DAZL: variants seen among roughly 807,000 people sequenced by gnomAD.
DAZL encodes deleted in azoospermia-like.
In DAZL, 4 loss-of-function variants were observed where a neutral mutation model predicts 45.0. The ratio of observed to expected loss-of-function variants is 0.09; its 90% confidence interval spans 0.04 to 0.20. DAZL has a LOEUF of 0.20. Among genes scored for constraint, DAZL ranks in the 10% least tolerant of loss-of-function variants. DAZL has a pLI of 1.00. For missense variants in DAZL, 326 were observed against 351.3 expected (o/e 0.93, Z 0.58); for synonymous variants, 122 against 112.4 (o/e 1.09, Z -0.54).
intron 10 of DAZL, 125 bp from the exon 11 acceptor site, chr3:16,588,838 A>C (rs1341406262): frequency 1.4e-5 from 11 of 758,654 alleles, no homozygotes; most frequent in Non-Finnish European, 2.3e-5. Context: ...ATGAGAAAAA[A>C]GATTATTCTT....
chr3:16,588,601 C>G lies in DAZL; in HGVS notation c.*59G>C. 7.5e-7 allele frequency: 1 copy of G among 1,336,450 alleles called. No individual in the cohort carries two copies. Among genetic ancestry groups the G allele is most frequent in the Middle Eastern group, 1.8e-4 (1 of 5,514 alleles). The allele number at this position is 1,336,450 out of a possible 1,614,324, so 82.8% of individuals were successfully genotyped here. On this transcript the variant is annotated 3_prime_UTR_variant, in exon 11 of 11. Transcript: ENST00000399444. ...TTCAGAATTTCTATAATAGTGGAAA[C>G]CTTTTAGCTTAATATTCAAAACCAG...
rs752716289 is a variant in DAZL, at chr3:16,605,183, G to A, written c.3+20C>T. The A allele has an allele frequency of 6.8e-6, 11 of 1,613,956 alleles. No homozygotes were observed. The highest frequency in any genetic ancestry group is 1.6e-4 in the Middle Eastern group (1 of 6,084). ...GAAGACTCCGCCAGCCTTGCCCCTC[G>A]GGCCTCTCCCTCAACTCACCATGAT... On this transcript the variant is annotated intron_variant, in intron 1 of 10. Transcript: ENST00000399444.
intron 9 of DAZL, among the ~76,000 whole-genome samples, chr3:16,593,112 A>T (rs945763774): frequency 1.3e-5 from 2 of 152,234 alleles, no homozygotes; most frequent in Admixed American, 6.5e-5. Flanking sequence ...AAGAAAAGGT[A>T]CATGTAATTC....
intron 10 of DAZL, among the ~76,000 whole-genome samples, chr3:16,591,632 C>T (rs1694519913): frequency 6.6e-6 from 1 of 152,048 alleles, no homozygotes; most frequent in Non-Finnish European, 1.5e-5. Context: ...TGGGGTTTTG[C>T]CATGTTGCCC....
At chr3:16,604,360 T>C in intron 1 of DAZL, 1 of 1,262,610 alleles carries the variant, frequency 7.9e-7, no homozygotes, top group Non-Finnish European at 1.1e-6. Flanking sequence ...TGTCAAAGGA[T>C]CCTGGTTTAT....
At chr3:16,601,008 T>C (rs1694681095) in intron 1 of DAZL, among the ~76,000 whole-genome samples, 1 of 152,180 alleles carries the variant, frequency 6.6e-6, no homozygotes, top group Non-Finnish European at 1.5e-5. Flanking sequence ...CAAAGAAAGC[T>C]TCCTACAACA....
rs61730117 is a variant in DAZL, at chr3:16,598,561, G to C, written c.41C>G (p.Ser14Cys). ...ANPETPNSTI[S>C]REASTQSSSA... ...TGAGGACTGGGTGCTGGCCTCTCTG[G>C]AGATGGTTGAGTTTGGAGTTTCAGG... is the stretch of plus-strand genomic sequence containing the variant. The change falls in exon 2 of 11, where the codon TCC becomes TGC. Residue 14 changes from serine (S) to cysteine (C), a missense_variant. This residue lies in a region of DAZL where 81 missense variants were observed against 89.6 expected (regional missense o/e 0.90). Coordinates refer to ENST00000399444, the MANE Select transcript of DAZL (RefSeq NM_001351.4). The C allele has an allele frequency of 1.6e-3, 2,514 of 1,601,372 alleles. 30 individuals are homozygous for C. The African/African-American group carries it at 0.023, about 15-fold the overall frequency.
intron 1 of DAZL, 88 bp from the exon 2 acceptor site, chr3:16,598,686 A>C: frequency 7.5e-7 from 1 of 1,339,324 alleles, no homozygotes; most frequent in Non-Finnish European, 9.8e-7. Context: ...TTTAAGTATA[A>C]AATATTTTAT....
chr3:16,593,683 G>A lies in DAZL; in HGVS notation c.707C>T (p.Thr236Ile). The A allele has an allele frequency of 6.2e-7, 1 of 1,611,466 alleles. No individual in the cohort carries two copies. ...TTGTGGGCCATTTCCAGAGGGTGGA[G>A]TAGCTTCATGAACTGAACATTCATT... ...VPNECSVHEA[T>I]PPSGNGPQKK... Residue 236 changes from threonine (T) to isoleucine (I), a missense_variant, in exon 9 of 11, where the codon ACT becomes ATT. Transcript: ENST00000399444.
intron 9 of DAZL, among the ~76,000 whole-genome samples, chr3:16,593,171 T>A (rs1299165902): frequency 1.3e-5 from 2 of 152,242 alleles, no homozygotes; most frequent in Non-Finnish European, 2.9e-5. Flanking sequence ...AACCTTCCCA[T>A]AACATTCTGC....
Position 16,605,370 on chromosome 3 carries a change from A to G in DAZL, c.-165T>C. 1.2e-6 allele frequency: 1 copy of G among 831,354 alleles called. No individual in the cohort carries two copies. The highest frequency in any genetic ancestry group is 2.0e-6 in the Non-Finnish European group (1 of 492,780). 51.5% of individuals were successfully genotyped at this position (831,354 alleles called of 1,614,324 possible). A position where few individuals can be genotyped will look rare whatever the true frequency, so the allele number is the denominator to read the frequency against. ...AAAAGGAAAACCAAGAGCGGGTGAC[A>G]AGGCTGAGGAGCCCCGAAAGGCGGA... On this transcript the variant is annotated 5_prime_UTR_variant, in exon 1 of 11. Coordinates refer to ENST00000399444, the MANE Select transcript of DAZL (RefSeq NM_001351.4).
At chr3:16,604,297 T>C in intron 1 of DAZL, 1 of 710,154 alleles carries the variant, frequency 1.4e-6, no homozygotes, top group Non-Finnish European at 2.3e-6. Flanking sequence ...ACGCTAGGCA[T>C]TTACCAAACT....
rs187640732 is a variant in DAZL at position 16,591,277 on chromosome 3, T to C, written c.834+773A>G. Among the ~76,000 whole-genome samples the C allele has an allele frequency of 1.2e-4, 18 of 152,218 alleles. No individual in the cohort carries two copies. The East Asian group carries it at 3.5e-3, about 29-fold the overall frequency. On this transcript the variant is annotated intron_variant, in intron 10 of 10. Coordinates refer to ENST00000399444, the MANE Select transcript of DAZL (RefSeq NM_001351.4). ...TTTTTCTGGAATTCAACTACCCACATTCTCTTCCACTTTACCAACTCTGTC... is the reference window on the plus strand; with the variant it reads ...TTTTTCTGGAATTCAACTACCCACACTCTCTTCCACTTTACCAACTCTGTC...
intron 1 of DAZL, among the ~76,000 whole-genome samples, chr3:16,603,610 G>C (rs184475512): frequency 3.3e-4 from 51 of 152,314 alleles, no homozygotes; most frequent in Middle Eastern, 6.8e-3. Flanking sequence ...GCCTCCTAAA[G>C]AGATTGATTA....
intron 8 of DAZL, 31 bp from the exon 9 acceptor site, chr3:16,593,799 AC>A (rs1184572414): frequency 1.5e-6 from 2 of 1,332,862 alleles, no homozygotes; most frequent in Non-Finnish European, 2.1e-6. Flanking sequence ...GTGTAATTAA[AC>A]AGATATACAG....
rs1309927980 is a variant in DAZL, at chr3:16,588,592, T to C, written c.*68A>G. On this transcript the variant is annotated 3_prime_UTR_variant, in exon 11 of 11. Transcript: ENST00000399444. ...TTACCAAAATTCAGAATTTCTATAA[T>C]AGTGGAAACCTTTTAGCTTAATATT... 4.9e-6 allele frequency: 6 copies of C among 1,231,852 alleles called. No homozygotes were observed. The highest frequency in any genetic ancestry group is 1.7e-5 in the Admixed American group (1 of 59,266). The allele number at this position is 1,231,852 out of a possible 1,614,324, so 76.3% of individuals were successfully genotyped here.
At chr3:16,602,840 T>C (rs868317848) in intron 1 of DAZL, among the ~76,000 whole-genome samples, 1 of 152,190 alleles carries the variant, frequency 6.6e-6, no homozygotes, top group Non-Finnish European at 1.5e-5. Context: ...ACTAGAGTCA[T>C]CTCCATTGAA....
intron 10 of DAZL, among the ~76,000 whole-genome samples, chr3:16,589,838 G>A (rs1694490654): frequency 6.6e-6 from 1 of 151,772 alleles, no homozygotes; most frequent in Non-Finnish European, 1.5e-5. Flanking sequence ...TGAGGTAGGA[G>A]GATCACTTGA....
chr3:16,594,711 A>G (rs375883499), intron 7 of DAZL, 128 bp from the exon 8 acceptor site: 2 of 577,006 alleles, frequency 3.5e-6, no homozygotes. Context: ...AAAGAAACAG[A>G]ATGAAAAAAA....
Sources: gnomAD v4.1 joint callset for allele counts (sites outside exome capture counted in the v4.1 genomes callset) on GRCh38, gnomAD v4.1.1 for gene constraint, gnomAD v4.1.1 regional missense constraint, MANE v1.5 for transcripts, NCBI Gene and HGNC (gene_info 2026-07-23, HGNC 2026-07-21) for gene names.